Variants in GALNT13 observed in about 807,000 individuals in gnomAD.
GALNT13 encodes polypeptide N-acetylgalactosaminyltransferase 13.
Under a neutral mutation model 64.2 loss-of-function variants are expected in GALNT13, and 28 were observed. The observed-to-expected ratio is 0.44, with a 90% confidence interval of 0.32 to 0.60. The LOEUF is 0.60. GALNT13 is among the 20% of genes least tolerant of loss of function. GALNT13 has a pLI of 0.05. For missense variants in GALNT13, 577 were observed against 669.8 expected, an observed-to-expected ratio of 0.86 and a Z score of 1.53; for synonymous variants, 214 against 224.6, an observed-to-expected ratio of 0.95 and a Z score of 0.42.
At chr2:153,281,133 T>C in the GALNT13 span, among the ~76,000 whole-genome samples, 1 of 152,180 alleles carries the variant, frequency 6.6e-6, no homozygotes, top group African/African-American at 2.4e-5. Context: ...TGTCCTTTTA[T>C]ACTGTTGTTG....
intron 4 of GALNT13, among the ~76,000 whole-genome samples, chr2:154,153,736 A>G (rs1284189884): frequency 6.6e-6 from 1 of 152,236 alleles, no homozygotes; most frequent in Non-Finnish European, 1.5e-5. Flanking sequence ...CCTCCGAGCC[A>G]GGTGCAGGAT....
At chr2:153,190,944 A>G in the GALNT13 span, among the ~76,000 whole-genome samples, 10 of 151,982 alleles carry the variant, frequency 6.6e-5, no homozygotes, top group Non-Finnish European at 1.3e-4. Flanking sequence ...ACTTTGCTGA[A>G]CTTGTTTATC....
At chr2:153,160,441 AT>A in the GALNT13 span, among the ~76,000 whole-genome samples, 26 of 151,612 alleles carry the variant, frequency 1.7e-4, no homozygotes, top group East Asian at 5.8e-4. Context: ...CTCAACAAAC[AT>A]TTTTTTTTCC....
chr2:153,393,870 A>C, the GALNT13 span, among the ~76,000 whole-genome samples: 1 of 151,864 alleles, frequency 6.6e-6, no homozygotes, highest in Non-Finnish European at 1.5e-5. Flanking sequence ...CCAAGCTTGC[A>C]GATTTTGAAT....
chr2:153,136,625 G>A, the GALNT13 span, among the ~76,000 whole-genome samples: 2 of 152,032 alleles, frequency 1.3e-5, no homozygotes, highest in Non-Finnish European at 2.9e-5. Context: ...TCTGACAGTG[G>A]CAGGAAAATT....
intron 3 of GALNT13, among the ~76,000 whole-genome samples, chr2:154,032,952 T>C (rs191523237): frequency 3.3e-5 from 5 of 151,272 alleles, no homozygotes; most frequent in East Asian, 3.9e-4. Context: ...TTTTATAGAT[T>C]GTTGGGGATT....
chr2:154,359,395 G>C (rs1002794175), intron 9 of GALNT13, among the ~76,000 whole-genome samples: 2 of 152,100 alleles, frequency 1.3e-5, no homozygotes, highest in Non-Finnish European at 2.9e-5. Context: ...GCAGAGACCA[G>C]ATCAGCTCTG....
chr2:153,714,787 TAATA>T, the GALNT13 span, among the ~76,000 whole-genome samples: 5 of 152,206 alleles, frequency 3.3e-5, no homozygotes. Context: ...TATGTCATTC[TAATA>T]ATTAGTCTGA....
the GALNT13 span, among the ~76,000 whole-genome samples, chr2:153,220,508 T>C: frequency 1.3e-5 from 2 of 152,210 alleles, no homozygotes; most frequent in African/African-American, 4.8e-5. Context: ...CATGCTCACC[T>C]CTGGTGCTGG....
chr2:153,580,488 C>T, the GALNT13 span, among the ~76,000 whole-genome samples: 4 of 152,074 alleles, frequency 2.6e-5, no homozygotes, highest in East Asian at 1.9e-4. Context: ...CAGGTGAGAA[C>T]GCCAAGACAA....
At chr2:153,636,288 T>C in the GALNT13 span, among the ~76,000 whole-genome samples, 1 of 152,120 alleles carries the variant, frequency 6.6e-6, no homozygotes, top group African/African-American at 2.4e-5. Context: ...TTACTGACTT[T>C]AATGAAAACC....
the GALNT13 span, among the ~76,000 whole-genome samples, chr2:153,764,525 A>G: frequency 6.6e-6 from 1 of 152,140 alleles, no homozygotes; most frequent in Admixed American, 6.6e-5. Context: ...TACAAGAGCA[A>G]AACTCCATCT....
intron 3 of GALNT13, among the ~76,000 whole-genome samples, chr2:153,944,867 C>T (rs542589331): frequency 6.6e-6 from 1 of 152,286 alleles, no homozygotes; most frequent in East Asian, 1.9e-4. Flanking sequence ...AGATACCGTT[C>T]AACCTAATAA....
At chr2:153,731,084 GTGTC>G in the GALNT13 span, among the ~76,000 whole-genome samples, 1 of 151,592 alleles carries the variant, frequency 6.6e-6, no homozygotes, top group African/African-American at 2.4e-5. Context: ...GTGTGTGTGT[GTGTC>G]TGTATATGTT....
At chr2:153,378,437 G>A in the GALNT13 span, among the ~76,000 whole-genome samples, 1 of 152,076 alleles carries the variant, frequency 6.6e-6, no homozygotes, top group South Asian at 2.1e-4. Context: ...TAGCTCTGAA[G>A]AGAAAATAAT....
chr2:154,281,273 A>T (rs1320764273), intron 8 of GALNT13, among the ~76,000 whole-genome samples: 1 of 152,186 alleles, frequency 6.6e-6, no homozygotes, highest in Non-Finnish European at 1.5e-5. Flanking sequence ...AGATGGCCTT[A>T]CATTTTTTAT....
chr2:154,212,562 A>G (rs1171298258), intron 4 of GALNT13, among the ~76,000 whole-genome samples: 1 of 151,848 alleles, frequency 6.6e-6, no homozygotes. Context: ...TTAAATGTAC[A>G]TTCTTCTTAC....
At chr2:153,695,698 GATTAA>G in the GALNT13 span, among the ~76,000 whole-genome samples, 2 of 150,926 alleles carry the variant, frequency 1.3e-5, no homozygotes, top group East Asian at 1.9e-4. Context: ...TTAATCTATA[GATTAA>G]ATTATATTTT....
At chr2:153,457,272 TA>T in the GALNT13 span, among the ~76,000 whole-genome samples, 2 of 152,226 alleles carry the variant, frequency 1.3e-5, no homozygotes, top group African/African-American at 4.8e-5. Flanking sequence ...TAAATACTTT[TA>T]AAATCTGTCT....
Sources: allele counts gnomAD v4.1 joint callset (sites outside exome capture counted in the v4.1 genomes callset), GRCh38; gene constraint gnomAD v4.1.1; transcripts MANE v1.5; gene names NCBI Gene and HGNC (gene_info 2026-07-23, HGNC 2026-07-21).